The following PFDN1 variants were observed in gnomAD, a reference collection of about 807,000 sequenced individuals.
The protein encoded by PFDN1 is prefoldin subunit 1.
A neutral mutation model predicts 17.3 loss-of-function variants in PFDN1; 6 were observed. The ratio of observed to expected loss-of-function variants is 0.35; its 90% confidence interval spans 0.19 to 0.69. PFDN1 has a LOEUF of 0.69. Ranked by LOEUF, PFDN1 falls within the 30% of genes least tolerant of loss-of-function variation. PFDN1 has a pLI of 0.65. For missense variants in PFDN1, 113 were observed against 146.2 expected (o/e 0.77, Z 1.17); for synonymous variants, 58 against 50.1 (o/e 1.16, Z -0.67).
intron 2 of PFDN1, among the ~76,000 whole-genome samples, chr5:140,300,144 A>G (rs961088630): frequency 6.6e-6 from 1 of 151,688 alleles, no homozygotes; most frequent in African/African-American, 2.4e-5. Flanking sequence ...GGTTCAAGCG[A>G]CTCTCCTGCC....
At position 140,270,817 on chromosome 5, in the gene PFDN1, T is replaced by TTGGAGC. The variant is rs1212049116; in HGVS notation, c.285+10631_285+10632insGCTCCA. Among the ~76,000 whole-genome samples the TTGGAGC allele has an allele frequency of 2.6e-5, 4 of 151,978 alleles. No individual in the cohort carries two copies. The East Asian group carries it at 7.7e-4, about 29-fold the overall frequency. ...GGCGGGCGCCTGTAGTCCCAGCTAC[T>TTGGAGC]TGGGAGGCTGAGGTAGGAGAATGGT... On this transcript the variant is annotated intron_variant, in intron 3 of 3. Transcript: ENST00000261813.
intron 2 of PFDN1, chr5:140,282,149 T>C (rs942251647): frequency 2.0e-5 from 3 of 148,518 alleles, no homozygotes; most frequent in African/African-American, 7.5e-5. Context: ...ATTGTGCTAC[T>C]GCACTCCAGC....
intron 3 of PFDN1, among the ~76,000 whole-genome samples, chr5:140,268,474 C>G (rs1765163004): frequency 6.6e-6 from 1 of 152,004 alleles, no homozygotes; most frequent in Non-Finnish European, 1.5e-5. Context: ...GTGGTGAAAC[C>G]CCATCTCTAC....
At chr5:140,260,891 A>G (rs13177186) in intron 3 of PFDN1, among the ~76,000 whole-genome samples, 71,699 of 151,708 alleles carry the variant, frequency 0.47, 17,182 homozygotes, top group South Asian at 0.71. Flanking sequence ...GCCGGGCACA[A>G]TGGCTCATGC....
chr5:140,259,749 G>C (rs1765037437), intron 3 of PFDN1, among the ~76,000 whole-genome samples: 1 of 152,170 alleles, frequency 6.6e-6, no homozygotes, highest in South Asian at 2.1e-4. Context: ...ACGCAACTGT[G>C]GGGTAAGATT....
intron 3 of PFDN1, among the ~76,000 whole-genome samples, chr5:140,258,315 C>T (rs1411190706): frequency 6.6e-6 from 1 of 152,020 alleles, no homozygotes; most frequent in Non-Finnish European, 1.5e-5. Context: ...ATCCCTCAGT[C>T]CCTGGAGTGG....
At chr5:140,279,543 T>C (rs547629609) in intron 3 of PFDN1, among the ~76,000 whole-genome samples, 1 of 151,860 alleles carries the variant, frequency 6.6e-6, no homozygotes, top group Non-Finnish European at 1.5e-5. Flanking sequence ...CTTGTTATGT[T>C]GCGCAGGCTG....
In PFDN1 at chr5:140,245,248, G is replaced by A. The variant is rs1457048388; in HGVS notation, c.*726C>T. 1 of 474,922 alleles carries A rather than the reference G, an allele frequency of 2.1e-6. No homozygotes were observed. The highest frequency in any genetic ancestry group is 2.0e-5 in the African/African-American group (1 of 50,866). 29.4% of individuals were successfully genotyped at this position (474,922 alleles called of 1,614,324 possible). On this transcript the variant is annotated 3_prime_UTR_variant, in exon 4 of 4. Transcript: ENST00000261813. Reference sequence around the variant, plus strand: ...CCGTTGCCCCCTCAGCCTCTAGGAGGCCTCAGGATTATGGCGTCCATCTTA... The same window carrying A: ...CCGTTGCCCCCTCAGCCTCTAGGAGACCTCAGGATTATGGCGTCCATCTTA...
intron 2 of PFDN1, among the ~76,000 whole-genome samples, chr5:140,286,411 CAAAA>C (rs70988742): frequency 6.0e-5 from 5 of 83,490 alleles, no homozygotes; most frequent in Non-Finnish European, 6.8e-5. Context: ...GACTCTGTCT[CAAAA>C]AAAAAAAAAA....
chr5:140,294,960 A>G (rs1368995010), intron 2 of PFDN1, among the ~76,000 whole-genome samples: 1 of 152,056 alleles, frequency 6.6e-6, no homozygotes, highest in Admixed American at 6.6e-5. Flanking sequence ...GCATACCTCT[A>G]AATTAGTTTA....
At chr5:140,255,595 A>C in intron 3 of PFDN1, among the ~76,000 whole-genome samples, 1 of 152,182 alleles carries the variant, frequency 6.6e-6, no homozygotes. Context: ...GTGAGCCGTG[A>C]TCATGCCACT....
intron 2 of PFDN1, among the ~76,000 whole-genome samples, chr5:140,292,448 C>A (rs1020429623): frequency 6.6e-6 from 1 of 152,028 alleles, no homozygotes; most frequent in Non-Finnish European, 1.5e-5. Context: ...TTACTCTGAG[C>A]CAGTGTAAAG....
At position 140,303,045 on chromosome 5, in the gene PFDN1, T is replaced by C. The variant is rs1156362173; in HGVS notation, c.29A>G (p.Lys10Arg). 3 of 1,611,756 alleles carry C rather than the reference T, an allele frequency of 1.9e-6. No homozygotes were observed. The highest frequency in any genetic ancestry group is 1.1e-5 in the South Asian group (1 of 91,048). Residue 10 changes from lysine to arginine, a missense_variant, in exon 1 of 4, where the codon AAG becomes AGG. Lys to Arg is a conservative substitution (Grantham distance 26, BLOSUM62 2). Coordinates refer to ENST00000261813, the MANE Select transcript of PFDN1 (RefSeq NM_002622.5). MAAPVDLEL[K>R]KAFTELQAKV... Reference sequence around the variant, plus strand: ...CTGCCAAAGACCCTCTTTTACCTTCTTCAGCTCTAGATCCACGGGGGCGGC... The same window carrying C: ...CTGCCAAAGACCCTCTTTTACCTTCCTCAGCTCTAGATCCACGGGGGCGGC...
At chr5:140,299,585 G>A (rs182729641) in intron 2 of PFDN1, among the ~76,000 whole-genome samples, 127 of 145,122 alleles carry the variant, frequency 8.8e-4, no homozygotes, top group Admixed American at 1.9e-3. Context: ...AACAGAGCGA[G>A]ACTCTGTCTC....
intron 3 of PFDN1, among the ~76,000 whole-genome samples, chr5:140,248,319 G>A (rs772493089): frequency 4.6e-5 from 7 of 151,940 alleles, no homozygotes; most frequent in Admixed American, 1.3e-4. Context: ...TGCCCGCCTC[G>A]GCCTCCCAAA....
intron 3 of PFDN1, among the ~76,000 whole-genome samples, chr5:140,261,020 G>T (rs1237602750): frequency 6.6e-6 from 1 of 151,622 alleles, no homozygotes; most frequent in Non-Finnish European, 1.5e-5. Context: ...AAATTAGCTG[G>T]GCCTGATGGT....
At position 140,302,335 on chromosome 5, in the gene PFDN1, A is replaced by G. The variant is rs1375498112; in HGVS notation, c.33+706T>C. ...TGGTGTTAGAATGCTGATCATTCTT[A>G]GATAGCAAAAATCTGAATAACAACA... On this transcript the variant is annotated intron_variant, in intron 1 of 3. Transcript: ENST00000261813. Among the ~76,000 whole-genome samples the G allele has an allele frequency of 2.6e-5, 4 of 152,364 alleles. No homozygotes were observed. The Middle Eastern group carries it at 0.01, about 389-fold the overall frequency.
chr5:140,294,105 A>C (rs1380289645), intron 2 of PFDN1, among the ~76,000 whole-genome samples: 5 of 152,082 alleles, frequency 3.3e-5, no homozygotes, highest in African/African-American at 1.2e-4. Context: ...TAAAATACAG[A>C]TTAATACCTT....
intron 2 of PFDN1, among the ~76,000 whole-genome samples, chr5:140,298,796 C>G (rs1765691121): frequency 6.6e-6 from 1 of 151,634 alleles, no homozygotes; most frequent in African/African-American, 2.4e-5. Flanking sequence ...CTCTTGTTGC[C>G]CAGGCTGGAG....
Sources: allele counts gnomAD v4.1 joint callset (sites outside exome capture counted in the v4.1 genomes callset), GRCh38; gene constraint gnomAD v4.1.1; transcripts MANE v1.5; gene names NCBI Gene and HGNC (gene_info 2026-07-23, HGNC 2026-07-21).